Variants in CDYL observed in about 807,000 individuals in gnomAD.
The protein encoded by CDYL is chromodomain Y like.
CDYL carries 8 observed loss-of-function variants against 47.3 expected under a neutral mutation model. That is an observed-to-expected ratio of 0.17 (90% CI 0.10 to 0.31). The LOEUF (loss-of-function observed/expected upper bound fraction) is 0.31. Ranked by LOEUF, CDYL falls within the 10% of genes least tolerant of loss-of-function variation. CDYL has a pLI of 1.00. For synonymous variants in CDYL, 266 were observed against 265.0 expected, an observed-to-expected ratio of 1.00 and a Z score of -0.04; for missense variants, 471 against 701.4, an observed-to-expected ratio of 0.67 and a Z score of 3.71.
chr6:4,858,446 G>T (rs1256605413), intron 1 of CDYL, among the ~76,000 whole-genome samples: 3 of 152,140 alleles, frequency 2.0e-5, no homozygotes, highest in African/African-American at 7.2e-5. Context: ...GCCCTCTGAG[G>T]GTCAGCACTG....
At chr6:4,925,402 CTTTTTTCTTT>C (rs1757837166) in intron 2 of CDYL, among the ~76,000 whole-genome samples, 1 of 76,116 alleles carries the variant, frequency 1.3e-5, no homozygotes, top group Non-Finnish European at 2.7e-5. Flanking sequence ...AGGAGCTATT[CTTTTTTCTTT>C]TTTTTTTTTT....
chr6:4,900,779 G>GTGTGTGTGTGTGTGTGTATA, intron 2 of CDYL, among the ~76,000 whole-genome samples: 1 of 51,704 alleles, frequency 1.9e-5, no homozygotes, highest in Admixed American at 2.0e-4. Flanking sequence ...GTATACGTGT[G>GTGTGTGTGTGTGTGTGTATA]TATATATATA....
intron 1 of CDYL, among the ~76,000 whole-genome samples, chr6:4,778,126 G>C (rs529237225): frequency 2.0e-4 from 31 of 152,214 alleles, no homozygotes; most frequent in Middle Eastern, 6.8e-3. Flanking sequence ...TTGTGTGTCT[G>C]GAAGACACAG....
chr6:4,749,422 A>T (rs1293038406), intron 3 of CDYL, among the ~76,000 whole-genome samples: 7 of 151,888 alleles, frequency 4.6e-5, no homozygotes, highest in African/African-American at 1.7e-4. Context: ...TGATGGATGG[A>T]TGGATGAATG....
intron 2 of CDYL, among the ~76,000 whole-genome samples, chr6:4,928,323 G>A (rs1252230701): frequency 6.6e-6 from 1 of 151,994 alleles, no homozygotes; most frequent in African/African-American, 2.4e-5. Context: ...GATGTTTTCT[G>A]TTTGTTTATT....
chr6:4,874,496 G>A (rs1761565555), intron 1 of CDYL, among the ~76,000 whole-genome samples: 1 of 152,162 alleles, frequency 6.6e-6, no homozygotes, highest in South Asian at 2.1e-4. Context: ...GCAGTGTTAG[G>A]TGCTGTTGGC....
chr6:4,734,642 T>G, intron 2 of CDYL: 1 of 1,333,854 alleles, frequency 7.5e-7, no homozygotes, highest in Non-Finnish European at 1.0e-6. Context: ...GTTAGACTCC[T>G]AATTCAGGAA....
chr6:4,904,993 G>A (rs73348363), intron 2 of CDYL, among the ~76,000 whole-genome samples: 8,707 of 152,196 alleles, frequency 0.057, 879 homozygotes, highest in African/African-American at 0.2. Flanking sequence ...CCCTATGTGA[G>A]CTGCTGATCT....
At chr6:4,839,980 T>G (rs1419505162) in intron 1 of CDYL, among the ~76,000 whole-genome samples, 1 of 152,162 alleles carries the variant, frequency 6.6e-6, no homozygotes, top group Non-Finnish European at 1.5e-5. Flanking sequence ...TTGATGGGAA[T>G]TGCATTGAAT....
At chr6:4,934,520 G>T (rs892650568) in intron 2 of CDYL, among the ~76,000 whole-genome samples, 4 of 152,078 alleles carry the variant, frequency 2.6e-5, no homozygotes, top group Middle Eastern at 6.8e-3. Flanking sequence ...TTCATGCTCC[G>T]CCCTCAGAGA....
intron 3 of CDYL, among the ~76,000 whole-genome samples, chr6:4,735,977 C>T (rs140641564): frequency 2.0e-5 from 3 of 152,186 alleles, no homozygotes; most frequent in African/African-American, 7.2e-5. Flanking sequence ...TATGCAAGTT[C>T]TGTTAACTAT....
At position 4,726,048 on chromosome 6, in the gene CDYL, A is replaced by G. The variant is rs186835903; in HGVS notation, c.104-8714A>G. On this transcript the variant is annotated intron_variant, in intron 2 of 8. Coordinates refer to the CDYL transcript ENST00000328908. Reference sequence around the variant, plus strand: ...GGAACATCACAGGAAATCATCACGAATGTCAGCTCCAAAATGGTCCCCATG... The same window carrying G: ...GGAACATCACAGGAAATCATCACGAGTGTCAGCTCCAAAATGGTCCCCATG... Among the ~76,000 whole-genome samples the G allele has an allele frequency of 6.6e-5, 10 of 152,320 alleles. No homozygotes were observed. The East Asian group carries it at 1.7e-3, about 26-fold the overall frequency.
intron 1 of CDYL, among the ~76,000 whole-genome samples, chr6:4,830,653 GCAGGTTAGTGACATATGTAT>G (rs1447212597): frequency 1.3e-5 from 2 of 151,486 alleles, no homozygotes; most frequent in Non-Finnish European, 2.9e-5. Flanking sequence ...TGCACAATGT[GCAGGTTAGTGACATATGTAT>G]ACATGTGACA....
chr6:4,821,625 C>T (rs1373350164), intron 1 of CDYL, among the ~76,000 whole-genome samples: 1 of 151,766 alleles, frequency 6.6e-6, no homozygotes, highest in Non-Finnish European at 1.5e-5. Context: ...CCCAGCTATT[C>T]AGGAGGCTGA....
intron 2 of CDYL, among the ~76,000 whole-genome samples, chr6:4,896,409 C>T (rs933499849): frequency 7.2e-5 from 11 of 152,144 alleles, no homozygotes; most frequent in Admixed American, 2.6e-4. Context: ...TGGTGCCTGC[C>T]GTGTAGTCGG....
chr6:4,931,999 G>A (rs189756192), intron 2 of CDYL, among the ~76,000 whole-genome samples: 1 of 152,160 alleles, frequency 6.6e-6, no homozygotes, highest in African/African-American at 2.4e-5. Flanking sequence ...ATGTTGCTTC[G>A]GTGGAAGGAA....
intron 1 of CDYL, 56 bp from the exon 2 acceptor site, chr6:4,891,657 A>G: frequency 7.1e-7 from 1 of 1,411,708 alleles, no homozygotes; most frequent in Non-Finnish European, 9.5e-7. Flanking sequence ...TGAAACTTGC[A>G]CTTTTCCCCC....
At chr6:4,855,210 A>C (rs1453379837) in intron 1 of CDYL, among the ~76,000 whole-genome samples, 1 of 152,180 alleles carries the variant, frequency 6.6e-6, no homozygotes, top group East Asian at 1.9e-4. Context: ...CCAGTATTTA[A>C]CCCTTTGAAG....
intron 1 of CDYL, among the ~76,000 whole-genome samples, chr6:4,838,237 G>C (rs1176288381): frequency 6.6e-6 from 1 of 152,078 alleles, no homozygotes; most frequent in Non-Finnish European, 1.5e-5. Flanking sequence ...TGATTTCTGA[G>C]ATTTTGGTGC....
Sources: allele counts gnomAD v4.1 joint callset (sites outside exome capture counted in the v4.1 genomes callset), GRCh38; gene constraint gnomAD v4.1.1; transcripts MANE v1.5; gene names NCBI Gene and HGNC (gene_info 2026-07-23, HGNC 2026-07-21).